The following GADL1 variants were observed in gnomAD, a reference collection of about 807,000 sequenced individuals.
The protein encoded by GADL1 is GAD like acidic amino acid decarboxylase 1.
GADL1 carries 71 observed loss-of-function variants against 69.5 expected under a neutral mutation model. The observed-to-expected ratio is 1.02, with a 90% CI of 0.84 to 1.25. The LOEUF (loss-of-function observed/expected upper bound fraction) is 1.25. GADL1 is among the 50% of genes most tolerant of loss of function. GADL1 has a pLI of 0.00. For missense variants in GADL1, 737 were observed against 631.8 expected (o/e 1.17, Z -1.79); for synonymous variants, 254 against 214.4 (o/e 1.18, Z -1.62).
chr3:30,734,108 A>G (rs543954485), intron 14 of GADL1, among the ~76,000 whole-genome samples: 2 of 152,212 alleles, frequency 1.3e-5, no homozygotes, highest in Non-Finnish European at 1.5e-5. Flanking sequence ...TATTTGCTTT[A>G]TTAATTTTTC....
intron 14 of GADL1, among the ~76,000 whole-genome samples, chr3:30,744,746 T>G (rs1209682347): frequency 2.6e-4 from 39 of 152,120 alleles, no homozygotes; most frequent in Non-Finnish European, 4.4e-5. Context: ...ATAGTAAATA[T>G]TTTAGACTTT....
chr3:30,836,632 TGAAAG>T (rs1575227474), intron 9 of GADL1, among the ~76,000 whole-genome samples: 2 of 152,052 alleles, frequency 1.3e-5, no homozygotes, highest in African/African-American at 4.8e-5. Context: ...GAACCAATCT[TGAAAG>T]GGAAGTGAAG....
intron 14 of GADL1, among the ~76,000 whole-genome samples, chr3:30,762,285 A>G (rs1322215379): frequency 1.3e-5 from 2 of 152,208 alleles, no homozygotes; most frequent in Admixed American, 6.5e-5. Flanking sequence ...AGAAAAGAGA[A>G]GTGAGGACAT....
intron 1 of GADL1, among the ~76,000 whole-genome samples, chr3:30,884,290 C>G (rs543633003): frequency 3.9e-5 from 6 of 152,030 alleles, no homozygotes; most frequent in East Asian, 3.9e-4. Flanking sequence ...TGAGACAATC[C>G]CATTTCATGA....
At chr3:30,730,686 A>T (rs1030800375) in intron 14 of GADL1, among the ~76,000 whole-genome samples, 31 of 152,330 alleles carry the variant, frequency 2.0e-4, no homozygotes, top group African/African-American at 4.6e-4. Context: ...CAAATATAAC[A>T]TTAAAAATTT....
At chr3:30,885,985 T>C (rs2125546558) in intron 1 of GADL1, among the ~76,000 whole-genome samples, 1 of 152,144 alleles carries the variant, frequency 6.6e-6, no homozygotes, top group Middle Eastern at 3.4e-3. Flanking sequence ...AAAGAAATAA[T>C]TGCCAGAAAA....
chr3:30,729,749 C>T (rs916475368), intron 14 of GADL1, among the ~76,000 whole-genome samples: 1 of 152,184 alleles, frequency 6.6e-6, no homozygotes, highest in Non-Finnish European at 1.5e-5. Flanking sequence ...ACCACAGAGC[C>T]TTCTCAAAGG....
chr3:30,847,274 A>C (rs1698074681), intron 6 of GADL1, among the ~76,000 whole-genome samples: 3 of 152,196 alleles, frequency 2.0e-5, no homozygotes, highest in Non-Finnish European at 4.4e-5. Flanking sequence ...TAAAATTACA[A>C]TAAAAGCCTA....
intron 14 of GADL1, among the ~76,000 whole-genome samples, chr3:30,771,892 G>C (rs970122320): frequency 6.6e-5 from 9 of 135,908 alleles, no homozygotes; most frequent in African/African-American, 3.2e-4. Context: ...GTTATTTCTA[G>C]CCGCTCCTAA....
At chr3:30,844,349 C>T (rs1698020066) in intron 7 of GADL1, 38 bp downstream of exon 7, 3 of 1,575,848 alleles carry the variant, frequency 1.9e-6, no homozygotes, top group African/African-American at 1.3e-5. Flanking sequence ...TAAACTTTTC[C>T]CTCCACCCAC....
At chr3:30,863,080 C>T (rs1241213706) in intron 1 of GADL1, among the ~76,000 whole-genome samples, 3 of 151,328 alleles carry the variant, frequency 2.0e-5, no homozygotes, top group African/African-American at 7.3e-5. Context: ...CACACTCACT[C>T]TCTCTCTCTC....
At chr3:30,747,937 C>T (rs1486692802) in intron 14 of GADL1, among the ~76,000 whole-genome samples, 1 of 152,202 alleles carries the variant, frequency 6.6e-6, no homozygotes. Context: ...GCAAAACTCC[C>T]TGCCAATAAC....
chr3:30,894,566 C>CT lies in GADL1; in HGVS notation c.37+11dup, dbSNP rs1394319742. ...GTTAAGGACAAAAACCGCAGCCGCGCTGAGTCGTTACCGTCCACAGGACAC... is the reference window on the plus strand; with the variant it reads ...GTTAAGGACAAAAACCGCAGCCGCGCTTGAGTCGTTACCGTCCACAGGACAC... On this transcript the variant is annotated intron_variant, in intron 1 of 14. Coordinates refer to ENST00000282538, the MANE Select transcript of GADL1 (RefSeq NM_207359.3). 11 of 1,548,310 alleles carry CT rather than the reference C, an allele frequency of 7.1e-6. No homozygotes were observed. Among genetic ancestry groups the CT allele is most frequent in the Non-Finnish European group, 9.6e-6 (11 of 1,145,122 alleles).
intron 14 of GADL1, among the ~76,000 whole-genome samples, chr3:30,756,385 A>ACT (rs138039640): frequency 6.6e-6 from 1 of 151,924 alleles, no homozygotes; most frequent in African/African-American, 2.4e-5. Context: ...GCCATAAAAC[A>ACT]CTCTATAATG....
intron 9 of GADL1, among the ~76,000 whole-genome samples, chr3:30,838,162 T>C (rs1697903604): frequency 6.6e-6 from 1 of 152,116 alleles, no homozygotes; most frequent in South Asian, 2.1e-4. Flanking sequence ...AACTATCACT[T>C]ACCAGAGGAA....
At chr3:30,769,133 T>C (rs926647233) in intron 14 of GADL1, among the ~76,000 whole-genome samples, 2 of 152,124 alleles carry the variant, frequency 1.3e-5, no homozygotes, top group African/African-American at 2.4e-5. Flanking sequence ...TAAAATTAAA[T>C]TCAACTGCAA....
intron 13 of GADL1, among the ~76,000 whole-genome samples, chr3:30,779,482 C>T (rs1442354329): frequency 6.6e-6 from 1 of 152,198 alleles, no homozygotes; most frequent in Non-Finnish European, 1.5e-5. Context: ...TGTAATTCAA[C>T]TCAATTTTCA....
chr3:30,886,591 C>T (rs1240068133), intron 1 of GADL1, among the ~76,000 whole-genome samples: 1 of 152,122 alleles, frequency 6.6e-6, no homozygotes, highest in Non-Finnish European at 1.5e-5. Flanking sequence ...CTGACCTAAC[C>T]AGTGCTGTTG....
At chr3:30,832,557 T>C (rs763073842) in intron 11 of GADL1, among the ~76,000 whole-genome samples, 2 of 152,016 alleles carry the variant, frequency 1.3e-5, no homozygotes, top group Non-Finnish European at 2.9e-5. Flanking sequence ...GTTTGTCAGA[T>C]TGGCCGATTT....
Sources: allele counts gnomAD v4.1 joint callset (sites outside exome capture counted in the v4.1 genomes callset), GRCh38; gene constraint gnomAD v4.1.1; transcripts MANE v1.5; gene names NCBI Gene and HGNC (gene_info 2026-07-23, HGNC 2026-07-21).